The following PTGES variants were observed in gnomAD, a reference collection of about 807,000 sequenced individuals.
PTGES encodes prostaglandin E synthase, also known as MGST1-like 1.
Under a neutral mutation model 11.8 loss-of-function variants are expected in PTGES, and 3 were observed. The ratio of observed to expected loss-of-function variants is 0.25; its 90% CI spans 0.12 to 0.66. The LOEUF (loss-of-function observed/expected upper bound fraction) is 0.66. Among genes scored for constraint, PTGES ranks in the 30% least tolerant of loss-of-function variants. The pLI, the probability that PTGES is intolerant of heterozygous loss-of-function variation, is 0.82. For synonymous variants in PTGES, 94 were observed against 90.4 expected, an observed-to-expected ratio of 1.04 and a Z score of -0.22; for missense variants, 180 against 213.0, an observed-to-expected ratio of 0.85 and a Z score of 0.96.
At chr9:129,752,133 G>A (rs1238875519) in intron 1 of PTGES, among the ~76,000 whole-genome samples, 1 of 152,204 alleles carries the variant, frequency 6.6e-6, no homozygotes, top group African/African-American at 2.4e-5. Flanking sequence ...GCCTCACCTC[G>A]CCTTTGAACT....
chr9:129,739,696 A>G lies in PTGES; in HGVS notation c.374T>C (p.Ile125Thr). Residue 125 changes from isoleucine (I) to threonine (T), a missense_variant, in exon 3 of 3, where the codon ATC becomes ACC. Transcript: ENST00000340607. The surrounding 1 kb of genome is among the most constrained non-coding windows in gnomAD (Gnocchi z 5.7). ...VAYLGKLRAPIRSVTYTLAQL... is the reference protein window; with the variant it reads ...VAYLGKLRAPTRSVTYTLAQL... ...GGCCAGGGTGTAGGTCACGGAGCGG[A>G]TGGGTGCCCGCAGCTTCCCCAGGTA... 2 of 1,566,784 alleles carry G rather than the reference A, an allele frequency of 1.3e-6. No individual in the cohort carries two copies. The highest frequency in any genetic ancestry group is 1.7e-6 in the Non-Finnish European group (2 of 1,156,118).
intron 1 of PTGES, among the ~76,000 whole-genome samples, chr9:129,752,255 G>A (rs187856790): frequency 3.9e-4 from 59 of 152,340 alleles, no homozygotes; most frequent in Admixed American, 3.7e-3. Flanking sequence ...CAGGACAGCC[G>A]ACAAGCTCAG....
chr9:129,752,339 CG>C (rs1327297230), intron 1 of PTGES, among the ~76,000 whole-genome samples: 2 of 152,166 alleles, frequency 1.3e-5, no homozygotes, highest in Non-Finnish European at 2.9e-5. Context: ...CTCTGGGACT[CG>C]TTAATGTTGT....
At chr9:129,752,031 C>T (rs909707006) in intron 1 of PTGES, among the ~76,000 whole-genome samples, 6 of 152,208 alleles carry the variant, frequency 3.9e-5, no homozygotes, top group Non-Finnish European at 7.4e-5. Flanking sequence ...GCCTTTAATC[C>T]TGCCTGTACC....
chr9:129,738,385 A>G lies in PTGES; in HGVS notation c.*1226T>C, dbSNP rs199812659. On this transcript the variant is annotated 3_prime_UTR_variant, in exon 3 of 3. Transcript: ENST00000340607. The surrounding 1 kb of genome is among the most constrained non-coding windows in gnomAD (Gnocchi z 4.2). ...TCCATTTAATGACTAAAAATCACACATCTCAGGTCACGGGTCTAGGAGAAA... is the reference window on the plus strand; with the variant it reads ...TCCATTTAATGACTAAAAATCACACGTCTCAGGTCACGGGTCTAGGAGAAA... 2.6e-5 allele frequency: 4 copies of G among 151,320 alleles called. No homozygotes were observed. The South Asian group carries it at 8.4e-4, about 32-fold the overall frequency. The allele number at this position is 151,320 out of a possible 1,614,324, so 9.4% of individuals were successfully genotyped here. A position where few individuals can be genotyped will look rare whatever the true frequency, so the allele number is the denominator to read the frequency against.
Position 129,739,817 on chromosome 9 carries a change from G to C in PTGES, c.253C>G (p.Leu85Val). ...DMETIYPFLF[L>V]GFVYSFLGPN... ...CCCAGAAAGGAGTAGACGAAGCCCAGGAAAAGGAAGGGGTAGATGGTCTCC... is the reference window on the plus strand; with the variant it reads ...CCCAGAAAGGAGTAGACGAAGCCCACGAAAAGGAAGGGGTAGATGGTCTCC... Residue 85 changes from leucine (L) to valine (V), a missense_variant, in exon 3 of 3, where the codon CTG (leucine) becomes GTG (valine). Coordinates refer to ENST00000340607, the MANE Select transcript of PTGES (RefSeq NM_004878.5). The surrounding 1 kb of genome is among the most constrained non-coding windows in gnomAD (Gnocchi z 5.7). The C allele has an allele frequency of 6.4e-7, 1 of 1,570,260 alleles. No homozygotes were observed. The highest frequency in any genetic ancestry group is 8.6e-7 in the Non-Finnish European group (1 of 1,157,302).
chr9:129,743,088 A>G (rs1226093356), intron 2 of PTGES, among the ~76,000 whole-genome samples: 2 of 152,180 alleles, frequency 1.3e-5, no homozygotes, highest in African/African-American at 4.8e-5. Flanking sequence ...CCTTGCAGAA[A>G]AAGCGGGGAC....
chr9:129,748,754 G>A lies in PTGES; in HGVS notation c.127-17C>T, dbSNP rs968689669. ...GGCAAAGGCCTGAAATATACCAGTTGAGAGTCACTCCTCGTGAGACAAACG... is the reference window on the plus strand; with the variant it reads ...GGCAAAGGCCTGAAATATACCAGTTAAGAGTCACTCCTCGTGAGACAAACG... On this transcript the variant is annotated splice_polypyrimidine_tract_variant and intron_variant, in intron 1 of 2. Coordinates refer to ENST00000340607, the MANE Select transcript of PTGES (RefSeq NM_004878.5). The A allele has an allele frequency of 1.3e-6, 2 of 1,581,028 alleles. No homozygotes were observed. Among genetic ancestry groups the A allele is most frequent in the African/African-American group, 2.7e-5 (2 of 73,136 alleles).
At chr9:129,748,215 TAA>T (rs67000610) in intron 2 of PTGES, among the ~76,000 whole-genome samples, 58 of 71,024 alleles carry the variant, frequency 8.2e-4, no homozygotes, top group African/African-American at 2.4e-3. Flanking sequence ...GTTGCCATAT[TAA>T]AAAAAAAAAA....
intron 1 of PTGES, among the ~76,000 whole-genome samples, chr9:129,751,578 C>G (rs1387329033): frequency 1.3e-5 from 2 of 151,824 alleles, no homozygotes; most frequent in African/African-American, 2.4e-5. Context: ...ACCGGGGAGG[C>G]TGAGGCAGTA....
chr9:129,750,860 C>A (rs917872089), intron 1 of PTGES, among the ~76,000 whole-genome samples: 1 of 152,136 alleles, frequency 6.6e-6, no homozygotes, highest in African/African-American at 2.4e-5. Context: ...TCCAGCAAGT[C>A]CTTCCTGGAT....
At chr9:129,748,530 GAGA>G in intron 2 of PTGES, 122 bp downstream of exon 2, 1 of 677,596 alleles carries the variant, frequency 1.5e-6, no homozygotes, top group Non-Finnish European at 2.3e-6. Context: ...AAAACAGTCA[GAGA>G]AGATCAGGAA....
intron 2 of PTGES, among the ~76,000 whole-genome samples, chr9:129,740,889 GA>G: frequency 6.6e-6 from 1 of 152,234 alleles, no homozygotes. Flanking sequence ...TGCAGGAACA[GA>G]AGCATGTTCT....
At position 129,745,867 on chromosome 9, in the gene PTGES, T is replaced by A. The variant is rs994881101; in HGVS notation, c.209+2788A>T. Among the ~76,000 whole-genome samples, 7 of 148,116 alleles carry A rather than the reference T, an allele frequency of 4.7e-5. No homozygotes were observed. The highest frequency in any genetic ancestry group is 2.0e-4 in the East Asian group (1 of 5,106). ...CAACATGGTGAAACTCTGTCTCTAC[T>A]AAAAAAAAAATACAAAAATTAGCTG... On this transcript the variant is annotated intron_variant, in intron 2 of 2. Transcript: ENST00000340607. This position sits in a 1 kb window ranked among gnomAD's most constrained non-coding sequence, Gnocchi z 4.2.
rs1832976203 is a variant in PTGES, at chr9:129,739,721, A to G, written c.349T>C (p.Tyr117His). 6.3e-7 allele frequency: 1 copy of G among 1,578,092 alleles called. No homozygotes were observed. The highest frequency in any genetic ancestry group is 8.6e-7 in the Non-Finnish European group (1 of 1,161,828). Residue 117 changes from tyrosine to histidine, a missense_variant, in exon 3 of 3, where the codon TAC (tyrosine) becomes CAC (histidine). By Grantham distance (83) the Tyr-to-His change is moderately conservative. Coordinates refer to ENST00000340607, the MANE Select transcript of PTGES (RefSeq NM_004878.5). This position sits in a 1 kb window ranked among gnomAD's most constrained non-coding sequence, Gnocchi z 5.7. ...LVGRVAHTVA[Y>H]LGKLRAPIRS... ...ATGGGTGCCCGCAGCTTCCCCAGGTAGGCCACGGTGTGTGCCACACGGCCC... is the reference window on the plus strand; with the variant it reads ...ATGGGTGCCCGCAGCTTCCCCAGGTGGGCCACGGTGTGTGCCACACGGCCC...
At chr9:129,748,171 C>T (rs1385599361) in intron 2 of PTGES, among the ~76,000 whole-genome samples, 2 of 139,650 alleles carry the variant, frequency 1.4e-5, no homozygotes, top group Non-Finnish European at 3.0e-5. Context: ...ACAGTGAATG[C>T]AACTCCTCTG....
chr9:129,747,237 C>T (rs1475626345), intron 2 of PTGES, among the ~76,000 whole-genome samples: 2 of 152,136 alleles, frequency 1.3e-5, no homozygotes, highest in Non-Finnish European at 2.9e-5. Context: ...GGAAAGTGTT[C>T]GCAAAATAAT....
In PTGES at chr9:129,739,207, G is replaced by C. The variant is rs1022310214; in HGVS notation, c.*404C>G. 1 of 176,674 alleles carries C rather than the reference G, an allele frequency of 5.7e-6. No individual in the cohort carries two copies. Among genetic ancestry groups the C allele is most frequent in the Non-Finnish European group, 1.2e-5 (1 of 83,078 alleles). 10.9% of individuals were successfully genotyped at this position (176,674 alleles called of 1,614,324 possible). On this transcript the variant is annotated 3_prime_UTR_variant, in exon 3 of 3. Coordinates refer to ENST00000340607, the MANE Select transcript of PTGES (RefSeq NM_004878.5). This position sits in a 1 kb window ranked among gnomAD's most constrained non-coding sequence, Gnocchi z 5.7. ...AGAATTTCTGGGGTCAGTCTGAAAAGTCTGCATTCTTAGCCCGGGATTCAG... is the reference window on the plus strand; with the variant it reads ...AGAATTTCTGGGGTCAGTCTGAAAACTCTGCATTCTTAGCCCGGGATTCAG...
chr9:129,739,469 C>G lies in PTGES; in HGVS notation c.*142G>C, dbSNP rs1358562214. The G allele has an allele frequency of 1.7e-6, 2 of 1,208,038 alleles. No homozygotes were observed. The highest frequency in any genetic ancestry group is 3.1e-5 in the African/African-American group (2 of 65,154). The allele number at this position is 1,208,038 out of a possible 1,614,324, so 74.8% of individuals were successfully genotyped here. A position where few individuals can be genotyped will look rare whatever the true frequency, so the allele number is the denominator to read the frequency against. ...GGGCACACACACAGGCCCACTGTGCCCAGAGACCCACACGCGCAGCAGGCT... is the reference window on the plus strand; with the variant it reads ...GGGCACACACACAGGCCCACTGTGCGCAGAGACCCACACGCGCAGCAGGCT... On this transcript the variant is annotated 3_prime_UTR_variant, in exon 3 of 3. Transcript: ENST00000340607. This position sits in a 1 kb window ranked among gnomAD's most constrained non-coding sequence, Gnocchi z 5.7.
Sources: allele counts gnomAD v4.1 joint callset (sites outside exome capture counted in the v4.1 genomes callset), GRCh38; gene constraint gnomAD v4.1.1; non-coding constraint Gnocchi (gnomAD v3.1); transcripts MANE v1.5; gene names NCBI Gene and HGNC (gene_info 2026-07-23, HGNC 2026-07-21).